Variants in VDAC1 observed in about 807,000 individuals in gnomAD.
The protein encoded by VDAC1 is non-selective voltage-gated ion channel VDAC1.
A neutral mutation model predicts 34.7 loss-of-function variants in VDAC1; 10 were observed. That is an observed-to-expected ratio of 0.29 (90% confidence interval 0.18 to 0.49). The LOEUF is 0.49. Ranked by LOEUF, VDAC1 falls within the 20% of genes least tolerant of loss-of-function variation. VDAC1 has a pLI of 0.99. For missense variants in VDAC1, 230 were observed against 347.9 expected (o/e 0.66, Z 2.69); for synonymous variants, 130 against 136.0 (o/e 0.96, Z 0.30).
At chr5:134,000,582 G>A (rs1192300075) in intron 1 of VDAC1, among the ~76,000 whole-genome samples, 1 of 152,124 alleles carries the variant, frequency 6.6e-6, no homozygotes, top group Admixed American at 6.6e-5. Context: ...ACAGTGCTTG[G>A]GCAGGAAGCC....
chr5:133,993,702 G>A (rs1198888984), intron 1 of VDAC1, among the ~76,000 whole-genome samples: 1 of 152,112 alleles, frequency 6.6e-6, no homozygotes, highest in Non-Finnish European at 1.5e-5. Flanking sequence ...GAGCTCCAGT[G>A]TAACTTTATT....
chr5:134,055,588 G>GTTTTTGTTTTTTTTTTGTTTTTGTTT, the VDAC1 span, among the ~76,000 whole-genome samples: 21 of 59,626 alleles, frequency 3.5e-4, 1 homozygote, highest in African/African-American at 1.4e-3. Context: ...CCCCGCTAAT[G>GTTTTTGTTTTTTTTTTGTTTTTGTTT]TTTTTTTTTT....
chr5:134,084,392 A>G, the VDAC1 span, among the ~76,000 whole-genome samples: 3 of 152,210 alleles, frequency 2.0e-5, no homozygotes, highest in Non-Finnish European at 2.9e-5. Context: ...CTGGAGCTGC[A>G]TGGGGTAAGG....
At chr5:134,060,135 G>C in the VDAC1 span, among the ~76,000 whole-genome samples, 1 of 151,910 alleles carries the variant, frequency 6.6e-6, no homozygotes, top group African/African-American at 2.4e-5. Context: ...CACATGTTGG[G>C]CACAGTAAAG....
At chr5:134,034,374 T>C in the VDAC1 span, among the ~76,000 whole-genome samples, 1 of 152,132 alleles carries the variant, frequency 6.6e-6, no homozygotes, top group South Asian at 2.1e-4. Context: ...GATACTATCA[T>C]TAAGTAAAGG....
the VDAC1 span, among the ~76,000 whole-genome samples, chr5:134,048,113 G>A: frequency 4.2e-4 from 64 of 151,938 alleles, no homozygotes; most frequent in East Asian, 1.4e-3. Context: ...GACTACAGGT[G>A]CCCACCACCA....
chr5:134,017,059 C>A, the VDAC1 span, among the ~76,000 whole-genome samples: 1 of 152,220 alleles, frequency 6.6e-6, no homozygotes. Context: ...TCTGCTTAAA[C>A]GGGAACTTCT....
At chr5:134,088,760 T>C in the VDAC1 span, among the ~76,000 whole-genome samples, 1 of 152,300 alleles carries the variant, frequency 6.6e-6, no homozygotes, top group African/African-American at 2.4e-5. Context: ...CCCTTGCTCC[T>C]CACTGAAGGT....
the VDAC1 span, among the ~76,000 whole-genome samples, chr5:134,105,924 A>G: frequency 6.6e-6 from 1 of 152,280 alleles, no homozygotes; most frequent in Non-Finnish European, 1.5e-5. Context: ...GAAGTCACTC[A>G]GCAAATTAGT....
intron 7 of VDAC1, among the ~76,000 whole-genome samples, 190 bp downstream of exon 7, chr5:133,975,681 A>T (rs765344761): frequency 6.6e-6 from 1 of 151,368 alleles, no homozygotes; most frequent in Non-Finnish European, 1.5e-5. Flanking sequence ...CTGGTGTCAG[A>T]CTCCTGACCT....
chr5:134,110,731 G>A, the VDAC1 span, among the ~76,000 whole-genome samples: 4 of 152,224 alleles, frequency 2.6e-5, no homozygotes, highest in African/African-American at 9.6e-5. Flanking sequence ...TCTCCTTGCT[G>A]TAATTTACTA....
At chr5:134,079,270 C>A in the VDAC1 span, among the ~76,000 whole-genome samples, 1 of 152,186 alleles carries the variant, frequency 6.6e-6, no homozygotes, top group Non-Finnish European at 1.5e-5. Flanking sequence ...TGAGCCACCA[C>A]GCCTGGCCCC....
At chr5:133,994,006 T>C (rs1010862865) in intron 1 of VDAC1, among the ~76,000 whole-genome samples, 1 of 152,194 alleles carries the variant, frequency 6.6e-6, no homozygotes, top group Non-Finnish European at 1.5e-5. Context: ...GAATCATTAG[T>C]CTCAACCAGA....
the VDAC1 span, among the ~76,000 whole-genome samples, chr5:134,083,702 CAA>C: frequency 1.3e-3 from 202 of 152,332 alleles, 1 homozygote; most frequent in East Asian, 0.022. Context: ...AAGGACTTAC[CAA>C]AAGCAACTAT....
At chr5:134,034,576 G>C in the VDAC1 span, among the ~76,000 whole-genome samples, 1 of 152,208 alleles carries the variant, frequency 6.6e-6, no homozygotes, top group South Asian at 2.1e-4. Flanking sequence ...AGAGCCCGCA[G>C]CAGGAAACAA....
intron 3 of VDAC1, among the ~76,000 whole-genome samples, chr5:133,991,607 A>G (rs1444872109): frequency 3.9e-5 from 6 of 152,226 alleles, no homozygotes; most frequent in African/African-American, 1.2e-4. Flanking sequence ...AAGAAGCACA[A>G]GGAAAACTAA....
intron 5 of VDAC1, among the ~76,000 whole-genome samples, chr5:133,986,549 A>G (rs1752913561): frequency 1.3e-5 from 2 of 152,000 alleles, no homozygotes; most frequent in South Asian, 4.2e-4. Context: ...GGTGTGCGCC[A>G]CCACACCCAG....
At chr5:134,095,447 C>T in the VDAC1 span, among the ~76,000 whole-genome samples, 1 of 151,854 alleles carries the variant, frequency 6.6e-6, no homozygotes, top group Non-Finnish European at 1.5e-5. Context: ...TGCATCACTG[C>T]ACCCCAGCCT....
chr5:134,059,257 T>G, the VDAC1 span, among the ~76,000 whole-genome samples: 1 of 152,066 alleles, frequency 6.6e-6, no homozygotes, highest in African/African-American at 2.4e-5. Flanking sequence ...AACGTGAGGC[T>G]CCCAGGCTCC....
Sources: gnomAD v4.1 joint callset for allele counts (sites outside exome capture counted in the v4.1 genomes callset) on GRCh38, gnomAD v4.1.1 for gene constraint, MANE v1.5 for transcripts, NCBI Gene and HGNC (gene_info 2026-07-23, HGNC 2026-07-21) for gene names.